Variants in LMNTD1 observed in about 807,000 individuals in gnomAD.
LMNTD1 encodes lamin tail domain-containing protein 1.
In LMNTD1, 35 loss-of-function variants were observed where a neutral mutation model predicts 50.9. The ratio of observed to expected loss-of-function variants is 0.69; its 90% CI spans 0.53 to 0.91. The LOEUF (loss-of-function observed/expected upper bound fraction) is 0.91, where lower values mean the gene tolerates loss of function less well. Among genes scored for constraint, LMNTD1 ranks in the 40% least tolerant of loss-of-function variants. The probability of loss-of-function intolerance (pLI) is 0.00; values close to 1 mark genes in which losing one functional copy is unlikely to be tolerated. For missense variants in LMNTD1, 470 were observed against 475.5 expected (o/e 0.99, Z 0.11); for synonymous variants, 153 against 161.9 (o/e 0.94, Z 0.42).
At chr12:25,537,197 T>G (rs4290329) in intron 4 of LMNTD1, among the ~76,000 whole-genome samples, 102,182 of 152,028 alleles carry the variant, frequency 0.67, 34,695 homozygotes, top group Admixed American at 0.73. Flanking sequence ...CAAAGCAGCC[T>G]GGAAGCTCGA....
Position 25,491,801 on chromosome 12 carries a change from G to A in LMNTD1, c.*22+11937C>T, listed in dbSNP as rs114082118. On this transcript the variant is annotated intron_variant, in intron 9 of 9. Transcript: ENST00000458174. ...ACCCCTAAACAATCAACATTCCTCA[G>A]AGTTATTAGGAGAGACAATAGGTTT... Among the ~76,000 whole-genome samples the A allele has an allele frequency of 9.0e-3, 1,376 of 152,310 alleles. 23 individuals carry two copies. Among genetic ancestry groups the A allele is most frequent in the African/African-American group, 0.031 (1,286 of 41,554 alleles).
chr12:25,495,196 T>C (rs73074339), intron 9 of LMNTD1, among the ~76,000 whole-genome samples: 3,580 of 151,814 alleles, frequency 0.024, 96 homozygotes, highest in East Asian at 0.13. Context: ...GGACCAGTGC[T>C]TACCATTTCA....
intron 4 of LMNTD1, among the ~76,000 whole-genome samples, chr12:25,538,354 A>G (rs1942772267): frequency 6.6e-6 from 1 of 151,332 alleles, no homozygotes; most frequent in Admixed American, 6.6e-5. Flanking sequence ...AGGGAAGCCC[A>G]TCAGACTAAC....
At chr12:25,593,435 G>C (rs1388322992) in intron 1 of LMNTD1, among the ~76,000 whole-genome samples, 1 of 152,150 alleles carries the variant, frequency 6.6e-6, no homozygotes, top group Non-Finnish European at 1.5e-5. Context: ...TAGATTTGCT[G>C]GGTGGCTAGA....
At chr12:25,538,582 A>G (rs1367597681) in intron 4 of LMNTD1, among the ~76,000 whole-genome samples, 1 of 141,898 alleles carries the variant, frequency 7.0e-6, no homozygotes, top group Non-Finnish European at 1.5e-5. Context: ...AGCGCTAAAC[A>G]TGGAAAGGAA....
chr12:25,605,258 G>A (rs1946070701), intron 1 of LMNTD1, among the ~76,000 whole-genome samples: 1 of 152,074 alleles, frequency 6.6e-6, no homozygotes, highest in African/African-American at 2.4e-5. Flanking sequence ...TTTGTCAGAT[G>A]AGTAGGTTGC....
chr12:25,548,149 T>G lies in LMNTD1; in HGVS notation c.310+1177A>C, dbSNP rs943712272. Among the ~76,000 whole-genome samples the G allele has an allele frequency of 3.3e-5, 5 of 151,960 alleles. No homozygotes were observed. In the East Asian group the frequency reaches 9.6e-4, roughly 29 times the overall value. Reference sequence around the variant, plus strand: ...AAACTTAGGAGGTTTCTTGGGAAATTTTATACTTGTCATACAAAAAATGAA... The same window carrying G: ...AAACTTAGGAGGTTTCTTGGGAAATGTTATACTTGTCATACAAAAAATGAA... On this transcript the variant is annotated intron_variant, in intron 3 of 9. Coordinates refer to ENST00000458174, the MANE Select transcript of LMNTD1 (RefSeq NM_001145728.2).
intron 4 of LMNTD1, among the ~76,000 whole-genome samples, chr12:25,535,716 AC>A (rs906689391): frequency 6.6e-6 from 1 of 152,130 alleles, no homozygotes; most frequent in Admixed American, 6.5e-5. Context: ...GGTAGACTAA[AC>A]CTAATCATAT....
intron 1 of LMNTD1, among the ~76,000 whole-genome samples, chr12:25,588,355 T>A (rs1945603553): frequency 6.6e-6 from 1 of 152,192 alleles, no homozygotes. Context: ...TCAACTCAGA[T>A]AATCCCATGT....
At chr12:25,571,993 AG>A (rs1212133412) in intron 1 of LMNTD1, among the ~76,000 whole-genome samples, 2 of 152,142 alleles carry the variant, frequency 1.3e-5, no homozygotes, top group Non-Finnish European at 2.9e-5. Flanking sequence ...ATTTCTATAA[AG>A]GTAGGAAAGG....
intron 1 of LMNTD1, among the ~76,000 whole-genome samples, chr12:25,620,650 C>T (rs909671789): frequency 1.3e-5 from 2 of 152,110 alleles, no homozygotes; most frequent in Non-Finnish European, 2.9e-5. Flanking sequence ...GTTTTCTTTT[C>T]TATGAGCTGA....
At chr12:25,606,966 C>CT (rs869047380) in intron 1 of LMNTD1, among the ~76,000 whole-genome samples, 1 of 152,036 alleles carries the variant, frequency 6.6e-6, no homozygotes, top group Non-Finnish European at 1.5e-5. Flanking sequence ...TGGTCCTGGA[C>CT]TTTTTTTGGT....
At chr12:25,527,909 G>A (rs969681089) in intron 4 of LMNTD1, among the ~76,000 whole-genome samples, 4 of 150,952 alleles carry the variant, frequency 2.6e-5, no homozygotes, top group Admixed American at 1.3e-4. Context: ...CTGAGGTGAG[G>A]CTATTTATAG....
At chr12:25,524,353 C>T (rs539690514) in intron 6 of LMNTD1, among the ~76,000 whole-genome samples, 5 of 152,068 alleles carry the variant, frequency 3.3e-5, no homozygotes, top group Admixed American at 1.3e-4. Context: ...AAATATTTTC[C>T]GTATGGATCA....
intron 6 of LMNTD1, among the ~76,000 whole-genome samples, chr12:25,522,447 A>G (rs1257178745): frequency 6.6e-6 from 1 of 152,192 alleles, no homozygotes; most frequent in African/African-American, 2.4e-5. Flanking sequence ...TGAAACTTAC[A>G]AACTATTTTT....
intron 3 of LMNTD1, chr12:25,547,359 T>C: frequency 6.2e-6 from 1 of 160,946 alleles, no homozygotes; most frequent in African/African-American, 2.4e-5. Context: ...TTCCTGAACA[T>C]AAAATAAAGA....
intron 9 of LMNTD1, among the ~76,000 whole-genome samples, chr12:25,501,400 C>T: frequency 6.6e-6 from 1 of 152,104 alleles, no homozygotes; most frequent in Admixed American, 6.5e-5. Context: ...CAGTGGTAGC[C>T]CACTCCTCCT....
chr12:25,623,242 C>A (rs1260046536), intron 1 of LMNTD1, among the ~76,000 whole-genome samples: 2 of 151,912 alleles, frequency 1.3e-5, no homozygotes, highest in Non-Finnish European at 2.9e-5. Context: ...TTACATTAAA[C>A]TCATAAACTG....
Position 25,614,698 on chromosome 12 carries a change from T to G in LMNTD1, c.58+33796A>C, listed in dbSNP as rs554015405. Reference sequence around the variant, plus strand: ...TGGGAGACAGAATCAGACTTGAAAGTGTGCTTGGCAAATAGGGAAAGTGGC... The same window carrying G: ...TGGGAGACAGAATCAGACTTGAAAGGGTGCTTGGCAAATAGGGAAAGTGGC... On this transcript the variant is annotated intron_variant, in intron 1 of 7. Transcript: ENST00000445693. Among the ~76,000 whole-genome samples, 4 of 152,280 alleles carry G rather than the reference T, an allele frequency of 2.6e-5. 1 individual carries two copies. The East Asian group carries it at 7.7e-4, about 29-fold the overall frequency.
Sources: allele counts gnomAD v4.1 joint callset (sites outside exome capture counted in the v4.1 genomes callset), GRCh38; gene constraint gnomAD v4.1.1; transcripts MANE v1.5; gene names NCBI Gene and HGNC (gene_info 2026-07-23, HGNC 2026-07-21).